Variants in RYR1 observed in about 807,000 individuals in gnomAD.
RYR1 encodes central core disease of muscle.
In RYR1, 342 loss-of-function variants were observed where a neutral mutation model predicts 583.5. That is an observed-to-expected ratio of 0.59 (90% CI 0.54 to 0.64). The LOEUF is 0.64. RYR1 is among the 30% of genes least tolerant of loss of function. The pLI, the probability that RYR1 is intolerant of heterozygous loss-of-function variation, is 0.00. For missense variants in RYR1, 6,032 were observed against 6,917.2 expected (o/e 0.87, Z 4.54); for synonymous variants, 2,791 against 2,822.5 (o/e 0.99, Z 0.35).
intron 27 of RYR1, among the ~76,000 whole-genome samples, chr19:38,470,037 A>G (rs1178991281): frequency 6.6e-6 from 1 of 152,130 alleles, no homozygotes; most frequent in African/African-American, 2.4e-5. Context: ...GTGGTGGCAC[A>G]TGCCTGTAAT....
At chr19:38,548,679 G>GA (rs1371897081) in intron 89 of RYR1, among the ~76,000 whole-genome samples, 49 of 152,330 alleles carry the variant, frequency 3.2e-4, no homozygotes, top group African/African-American at 1.1e-3. Context: ...CCTGGCTTAA[G>GA]CAATCCTCCC....
At position 38,512,083 on chromosome 19, in the gene RYR1, C is replaced by G; in HGVS notation, c.9184C>G (p.Pro3062Ala). The G allele has an allele frequency of 6.2e-7, 1 of 1,614,116 alleles. No homozygotes were observed. The highest frequency in any genetic ancestry group is 8.5e-7 in the Non-Finnish European group (1 of 1,180,006). The change falls in exon 62 of 106, where the codon CCA (proline) becomes GCA (alanine). Residue 3062 changes from proline (P) to alanine (A), a missense_variant. Physicochemically the swap from Pro to Ala is conservative, Grantham distance 27 (BLOSUM62 -1). Around this residue, in one of 11 missense-constraint regions of RYR1, gnomAD observed 1,493 missense variants for 1,715.5 expected, o/e 0.87. Transcript: ENST00000359596. The surrounding 1 kb of genome is among the most constrained non-coding windows in gnomAD (Gnocchi z 5.1). ...HRVSLFGTDAPAVVNCLHILA... is the reference protein window; with the variant it reads ...HRVSLFGTDAAAVVNCLHILA... ...TCTTCCTCTCCCAGGGACAGACGCC[C>G]CAGCTGTGGTCAACTGTCTTCACAT...
In RYR1 at chr19:38,532,557, C is replaced by T. The variant is rs373782352; in HGVS notation, c.11193+16C>T. ...CATGGCAAAGGTGAGGCCCTACCCC[C>T]CTCTTCTGGGGCAGATTTCCCTCTC... On this transcript the variant is annotated intron_variant, in intron 77 of 105. Coordinates refer to ENST00000359596, the MANE Select transcript of RYR1 (RefSeq NM_000540.3). The T allele has an allele frequency of 5.0e-6, 8 of 1,614,026 alleles. No homozygotes were observed. The highest frequency in any genetic ancestry group is 4.5e-5 in the East Asian group (2 of 44,892).
Position 38,494,884 on chromosome 19 carries a change from A to G in RYR1, c.6548+259A>G, listed in dbSNP as rs552512449. Reference sequence around the variant, plus strand: ...TTTTTTTTTTGTGAGACTGAGTCTCACTCTGTCACCCAGGCTGGAGTGCAA... The same window carrying G: ...TTTTTTTTTTGTGAGACTGAGTCTCGCTCTGTCACCCAGGCTGGAGTGCAA... On this transcript the variant is annotated intron_variant, in intron 39 of 105. Transcript: ENST00000359596. Among the ~76,000 whole-genome samples, 290 of 111,618 alleles carry G rather than the reference A, an allele frequency of 2.6e-3. 3 individuals carry two copies. Among genetic ancestry groups the G allele is most frequent in the Non-Finnish European group, 3.1e-3 (182 of 58,606 alleles). The allele number at this position is 111,618 out of a possible 152,430, so 73.2% of individuals were successfully genotyped here.
At chr19:38,504,121 T>C in intron 49 of RYR1, 99 bp from the exon 50 acceptor site, 11 of 1,351,102 alleles carry the variant, frequency 8.1e-6, no homozygotes, top group Non-Finnish European at 1.1e-5. Context: ...CCTTCATAAT[T>C]TAAAAGCACT....
chr19:38,581,630 G>A (rs772999333), intron 101 of RYR1, among the ~76,000 whole-genome samples: 1 of 151,194 alleles, frequency 6.6e-6, no homozygotes, highest in African/African-American at 2.4e-5. Flanking sequence ...ACAGAGTCTC[G>A]TTCTGTCACC....
At chr19:38,563,060 C>T (rs770700803) in intron 90 of RYR1, among the ~76,000 whole-genome samples, 25 of 152,194 alleles carry the variant, frequency 1.6e-4, no homozygotes, top group Non-Finnish European at 3.1e-4. Flanking sequence ...ATTCTTTGCA[C>T]GTGCTGGGGG....
intron 36 of RYR1, 91 bp from the exon 37 acceptor site, chr19:38,490,530 C>G: frequency 1.1e-6 from 1 of 892,316 alleles, no homozygotes; most frequent in South Asian, 1.4e-5. Context: ...TGACCTTAGA[C>G]ATGGACTAAC....
chr19:38,486,274 T>C (rs1035270002), intron 34 of RYR1, 72 bp downstream of exon 34: 1 of 1,580,294 alleles, frequency 6.3e-7, no homozygotes, highest in Non-Finnish European at 8.7e-7. Context: ...GATACATGCA[T>C]CAATCCTCCT....
chr19:38,439,362 G>A (rs574159152), intron 1 of RYR1, among the ~76,000 whole-genome samples: 1 of 152,226 alleles, frequency 6.6e-6, no homozygotes, highest in South Asian at 2.1e-4. Flanking sequence ...ACCATGCCCG[G>A]GTAATTTTGT....
At position 38,523,042 on chromosome 19, in the gene RYR1, C is replaced by G. The variant is rs150977342; in HGVS notation, c.10274C>G (p.Thr3425Arg). Residue 3425 changes from threonine (T) to arginine (R), a missense_variant, in exon 68 of 106, where the codon ACG becomes AGG. Transcript: ENST00000359596. ...GCTGACCCCAGGGCGCAGTGGCTGACGGAGCCGAATCCCAGCGCGGAGGAG... is the reference window on the plus strand; with the variant it reads ...GCTGACCCCAGGGCGCAGTGGCTGAGGGAGCCGAATCCCAGCGCGGAGGAG... ...YVDNNRAQWL[T>R]EPNPSAEELF... 2 of 1,602,230 alleles carry G rather than the reference C, an allele frequency of 1.2e-6. No homozygotes were observed.
In RYR1 at chr19:38,496,123, A is replaced by AG; in HGVS notation, c.6549-89dup. 1 of 1,017,470 alleles carries AG rather than the reference A, an allele frequency of 9.8e-7. No homozygotes were observed. The highest frequency in any genetic ancestry group is 1.6e-5 in the African/African-American group (1 of 63,602). The allele number at this position is 1,017,470 out of a possible 1,614,324, so 63.0% of individuals were successfully genotyped here. A position where few individuals can be genotyped will look rare whatever the true frequency, so the allele number is the denominator to read the frequency against. ...GCGGTGGTGCTAGGCACAGAGTGAGAGGGTCAAGAATGCCAACGCTGTCAC... is the reference window on the plus strand; with the variant it reads ...GCGGTGGTGCTAGGCACAGAGTGAGAGGGGTCAAGAATGCCAACGCTGTCAC... On this transcript the variant is annotated intron_variant, in intron 39 of 105. Transcript: ENST00000359596. The surrounding 1 kb of genome is among the most constrained non-coding windows in gnomAD (Gnocchi z 4.8).
intron 47 of RYR1, 87 bp downstream of exon 47, chr19:38,501,077 TTG>T: frequency 7.4e-7 from 1 of 1,351,884 alleles, no homozygotes; most frequent in Non-Finnish European, 1.0e-6. Context: ...GCAGCTGCTT[TTG>T]TTTTTCTTGG....
At chr19:38,481,892 A>G (rs1969028827) in intron 31 of RYR1, among the ~76,000 whole-genome samples, 1 of 152,172 alleles carries the variant, frequency 6.6e-6, no homozygotes, top group African/African-American at 2.4e-5. Context: ...GTTCGAGACC[A>G]GCCTGACCAA....
At chr19:38,491,630 A>T (rs1477245866) in intron 37 of RYR1, among the ~76,000 whole-genome samples, 1 of 151,854 alleles carries the variant, frequency 6.6e-6, no homozygotes, top group South Asian at 2.1e-4. Flanking sequence ...GGGTTTTGCC[A>T]TATTGCCCAG....
At chr19:38,464,917 CAGAGAG>C (rs980413636) in intron 23 of RYR1, among the ~76,000 whole-genome samples, 195 bp downstream of exon 23, 1 of 150,782 alleles carries the variant, frequency 6.6e-6, no homozygotes, top group African/African-American at 2.4e-5. Context: ...TTAGGAGTTT[CAGAGAG>C]AGAGAGAGGG....
In RYR1 at chr19:38,490,660, G is replaced by C; in HGVS notation, c.6055G>C (p.Glu2019Gln). The change falls in exon 37 of 106, where the codon GAA becomes CAA. Residue 2019 changes from glutamate (E) to glutamine (Q), a missense_variant. Physicochemically the swap from Glu to Gln is conservative, Grantham distance 29 (BLOSUM62 2). Transcript: ENST00000359596. ...LLQFKDGTDE[E>Q]DCPLPEEIRQ... ...GCAATTCAAAGATGGTACAGATGAGGAAGACTGTCCTCTCCCTGAAGAGAT... is the reference window on the plus strand; with the variant it reads ...GCAATTCAAAGATGGTACAGATGAGCAAGACTGTCCTCTCCCTGAAGAGAT... The C allele has an allele frequency of 6.2e-7, 1 of 1,613,724 alleles. No individual in the cohort carries two copies. Among genetic ancestry groups the C allele is most frequent in the Middle Eastern group, 1.6e-4 (1 of 6,062 alleles).
intron 35 of RYR1, 110 bp from the exon 36 acceptor site, chr19:38,489,966 G>T: frequency 9.1e-7 from 1 of 1,101,398 alleles, no homozygotes; most frequent in Non-Finnish European, 1.4e-6. Context: ...AAATGATTTT[G>T]GCTGGACCTG....
chr19:38,570,151 A>C (rs1973648517), intron 93 of RYR1, among the ~76,000 whole-genome samples: 1 of 151,866 alleles, frequency 6.6e-6, no homozygotes, highest in Admixed American at 6.6e-5. Context: ...ACAGAGTGAG[A>C]CCTTGTCTCA....
Sources: gnomAD v4.1 joint callset for allele counts (sites outside exome capture counted in the v4.1 genomes callset) on GRCh38, gnomAD v4.1.1 for gene constraint, gnomAD v4.1.1 regional missense constraint, Gnocchi (gnomAD v3.1) non-coding constraint, MANE v1.5 for transcripts, NCBI Gene and HGNC (gene_info 2026-07-23, HGNC 2026-07-21) for gene names.